The following DOCK7 variants were observed in gnomAD, a reference collection of about 807,000 sequenced individuals.
DOCK7 encodes dedicator of cytokinesis 7.
In DOCK7, 138 loss-of-function variants were observed where a neutral mutation model predicts 271.0. That is an observed-to-expected ratio of 0.51 (90% CI 0.44 to 0.59). The LOEUF (loss-of-function observed/expected upper bound fraction) is 0.59, where lower values mean the gene tolerates loss of function less well. DOCK7 is among the 20% of genes least tolerant of loss of function. The probability of loss-of-function intolerance (pLI) is 0.00; values close to 1 mark genes in which losing one functional copy is unlikely to be tolerated. For missense variants in DOCK7, 2,066 were observed against 2,592.4 expected, an observed-to-expected ratio of 0.80 and a Z score of 4.41; for synonymous variants, 823 against 876.1, an observed-to-expected ratio of 0.94 and a Z score of 1.07.
At chr1:62,485,233 A>G (rs1646258498) in intron 43 of DOCK7, 1 of 985,302 alleles carries the variant, frequency 1.0e-6, no homozygotes. Flanking sequence ...GCCATTAAAG[A>G]ACTGAAACTA....
chr1:62,504,587 AT>A (rs1337562064), intron 37 of DOCK7, 42 bp downstream of exon 37: 25 of 1,575,452 alleles, frequency 1.6e-5, no homozygotes, highest in Non-Finnish European at 2.2e-5. Context: ...CAGAAGTTAT[AT>A]TTCATTATGA....
intron 43 of DOCK7, chr1:62,485,773 T>G: frequency 1.1e-6 from 1 of 872,482 alleles, no homozygotes; most frequent in Non-Finnish European, 1.4e-6. Context: ...CAGCAAATGG[T>G]AGAAAACACA....
chr1:62,512,784 T>C (rs1374967615), intron 33 of DOCK7, among the ~76,000 whole-genome samples: 1 of 151,782 alleles, frequency 6.6e-6, no homozygotes, highest in Non-Finnish European at 1.5e-5. Context: ...TAGTCCCAGC[T>C]ACCAGGGTAG....
intron 34 of DOCK7, 106 bp from the exon 35 acceptor site, chr1:62,508,164 T>C (rs1644365360): frequency 9.9e-7 from 1 of 1,010,406 alleles, no homozygotes; most frequent in Non-Finnish European, 1.4e-6. Flanking sequence ...ATTTTCAATA[T>C]TTGCCTGATA....
At chr1:62,669,628 C>G (rs922667210) in intron 1 of DOCK7, among the ~76,000 whole-genome samples, 1 of 152,236 alleles carries the variant, frequency 6.6e-6, no homozygotes, top group Non-Finnish European at 1.5e-5. Flanking sequence ...AGTCACAGCA[C>G]CTATCAAATT....
At chr1:62,491,036 C>T (rs1412702239) in intron 41 of DOCK7, among the ~76,000 whole-genome samples, 1 of 152,146 alleles carries the variant, frequency 6.6e-6, no homozygotes, top group Non-Finnish European at 1.5e-5. Context: ...AATACATGAA[C>T]TTACTTAATT....
chr1:62,681,317 T>C (rs1019776724), intron 1 of DOCK7, among the ~76,000 whole-genome samples: 22 of 140,048 alleles, frequency 1.6e-4, no homozygotes, highest in African/African-American at 5.6e-4. Flanking sequence ...TTCTCACTCA[T>C]AGGTGGGAAT....
intron 43 of DOCK7, chr1:62,485,314 C>T (rs1402811536): frequency 5.1e-6 from 5 of 985,198 alleles, no homozygotes; most frequent in Non-Finnish European, 6.0e-6. Context: ...AAAGACTTTA[C>T]TGAAATACTA....
intron 1 of DOCK7, among the ~76,000 whole-genome samples, chr1:62,663,764 C>T (rs941465946): frequency 2.0e-5 from 3 of 152,252 alleles, no homozygotes; most frequent in Admixed American, 6.5e-5. Flanking sequence ...AGCACTGTTA[C>T]GAGCCAACTA....
intron 31 of DOCK7, among the ~76,000 whole-genome samples, chr1:62,525,077 C>G (rs564080703): frequency 6.6e-6 from 1 of 151,310 alleles, no homozygotes; most frequent in Admixed American, 6.6e-5. Context: ...GCGATCTAGG[C>G]TTACTGCAAA....
intron 1 of DOCK7, among the ~76,000 whole-genome samples, chr1:62,686,926 G>T (rs1055273402): frequency 6.6e-6 from 1 of 151,792 alleles, no homozygotes; most frequent in Non-Finnish European, 1.5e-5. Flanking sequence ...GACGACAGGT[G>T]CAACACCACA....
rs57648164 is a variant in DOCK7, at chr1:62,483,174, A to ATTTTTT, written c.5508+4218_5508+4223dup. 26 of 70,178 alleles carry ATTTTTT rather than the reference A, an allele frequency of 3.7e-4. 3 individuals carry two copies. The highest frequency in any genetic ancestry group is 1.4e-3 in the East Asian group (3 of 2,188). The allele number at this position is 70,178 out of a possible 1,614,324, so 4.3% of individuals were successfully genotyped here. A position where few individuals can be genotyped will look rare whatever the true frequency, so the allele number is the denominator to read the frequency against. On this transcript the variant is annotated intron_variant, in intron 43 of 49. Transcript: ENST00000635253. ...AGGTACACACCACCATGCCCAGCTA[A>ATTTTTT]TTTTTTTTTTTTTTTTTTTTTTTTT...
intron 10 of DOCK7, among the ~76,000 whole-genome samples, chr1:62,632,602 T>C (rs757508715): frequency 7.2e-5 from 11 of 152,218 alleles, no homozygotes; most frequent in Non-Finnish European, 1.3e-4. Context: ...AGATCACTTG[T>C]ATTCTTGTAG....
intron 2 of DOCK7, among the ~76,000 whole-genome samples, chr1:62,661,760 T>G (rs1658689924): frequency 6.6e-6 from 1 of 151,528 alleles, no homozygotes; most frequent in Non-Finnish European, 1.5e-5. Flanking sequence ...GATCAGAGAG[T>G]GGGAAGTGTA....
At chr1:62,603,767 T>C (rs749023824) in intron 14 of DOCK7, among the ~76,000 whole-genome samples, 7 of 151,926 alleles carry the variant, frequency 4.6e-5, no homozygotes, top group Non-Finnish European at 7.4e-5. Context: ...TTCAGTTATA[T>C]TAATATTTTT....
chr1:62,518,288 T>C (rs1020878895), intron 31 of DOCK7, among the ~76,000 whole-genome samples: 15 of 149,848 alleles, frequency 1.0e-4, no homozygotes, highest in African/African-American at 3.4e-4. Flanking sequence ...TACAAAAAAA[T>C]TGGTCCGGCG....
At chr1:62,532,009 G>A (rs1251925236) in intron 29 of DOCK7, among the ~76,000 whole-genome samples, 4 of 152,160 alleles carry the variant, frequency 2.6e-5, no homozygotes, top group African/African-American at 9.7e-5. Flanking sequence ...AACTAAAACA[G>A]GGTTACATGG....
chr1:62,607,452 T>A (rs887487258), intron 14 of DOCK7, among the ~76,000 whole-genome samples: 3 of 152,192 alleles, frequency 2.0e-5, no homozygotes, highest in African/African-American at 7.2e-5. Flanking sequence ...CGTCTCTTAA[T>A]CTTATAAGCT....
rs1647112134 is a variant in DOCK7 at position 62,581,281 on chromosome 1, A to T, written c.1871+1903T>A. Among the ~76,000 whole-genome samples, 3 of 152,204 alleles carry T rather than the reference A, an allele frequency of 2.0e-5. No homozygotes were observed. In the East Asian group the frequency reaches 5.8e-4, roughly 29 times the overall value. ...AAAAAACCAAGAATGGCCCAGAAAC[A>T]GGACAGCACAGGTTATGTTTAGTAA... On this transcript the variant is annotated intron_variant, in intron 16 of 49. Transcript: ENST00000635253.
Sources: allele counts gnomAD v4.1 joint callset (sites outside exome capture counted in the v4.1 genomes callset), GRCh38; gene constraint gnomAD v4.1.1; transcripts MANE v1.5; gene names NCBI Gene and HGNC (gene_info 2026-07-23, HGNC 2026-07-21).